PZP: variants seen among roughly 807,000 people sequenced by gnomAD.
PZP encodes the protein PZP alpha-2-macroglobulin like, also known as pregnancy zone protein.
PZP carries 150 observed loss-of-function variants against 179.8 expected under a neutral mutation model. That is an observed-to-expected ratio of 0.83 (90% CI 0.73 to 0.96). PZP has a LOEUF of 0.96. PZP is among the 40% of genes least tolerant of loss of function. PZP has a pLI of 0.00. For missense variants in PZP, 1,689 were observed against 1,764.0 expected (o/e 0.96, Z 0.76); for synonymous variants, 624 against 652.3 (o/e 0.96, Z 0.66).
In PZP at chr12:9,153,271, G is replaced by A. The variant is rs765915464; in HGVS notation, c.3847C>T (p.Gln1283Ter). The A allele has an allele frequency of 6.2e-7, 1 of 1,614,166 alleles. No homozygotes were observed. Among genetic ancestry groups the A allele is most frequent in the East Asian group, 2.2e-5 (1 of 44,886 alleles). Residue 1283 changes from glutamine (Q) to a stop codon, truncating the protein, a stop_gained, in exon 30 of 36, where the codon CAG becomes TAG. Transcript: ENST00000261336. LOFTEE classifies it high-confidence loss of function. ...GTCTGTGAATCCTGAACGGTGACCT[G>A]TGCAGTTTTCTCAGTTCTGGTGAAA... The part of the protein sequence containing the change: ...ATFTRTEKTA[Q>*]VTVQDSQTFS...
chr12:9,146,043 T>C (rs1939991762), downstream of PZP, among the ~76,000 whole-genome samples: 1 of 152,206 alleles, frequency 6.6e-6, no homozygotes, highest in Non-Finnish European at 1.5e-5. Context: ...TTAGTTATTT[T>C]TGAACCTGGA....
At chr12:9,197,741 C>A (rs1943900381) in intron 7 of PZP, among the ~76,000 whole-genome samples, 3 of 79,838 alleles carry the variant, frequency 3.8e-5, no homozygotes, top group African/African-American at 5.9e-5. Context: ...ATATATTATA[C>A]AATACATAAT....
In PZP at chr12:9,197,084, C is replaced by T. The variant is rs369276769; in HGVS notation, c.795G>A (p.Val265=). The part of the protein sequence containing the change: ...YGKPVPGLAT[V]SLCRKLSRVL... ...CACGAGATAATTTTCTACACAGGCT[C>T]ACAGTTGCAAGTCCTGGGACAGGCT... Residue 265 remains valine, a synonymous_variant, in exon 8 of 36, where the codon GTG becomes GTA. Transcript: ENST00000261336. 130 of 1,613,514 alleles carry T rather than the reference C, an allele frequency of 8.1e-5. No homozygotes were observed. Among genetic ancestry groups the T allele is most frequent in the Non-Finnish European group, 9.2e-5 (108 of 1,179,766 alleles).
intron 13 of PZP, among the ~76,000 whole-genome samples, chr12:9,185,207 G>C (rs1470745423): frequency 1.3e-5 from 2 of 152,176 alleles, no homozygotes; most frequent in Non-Finnish European, 2.9e-5. Context: ...GAAGCTGACA[G>C]ACAAAATAGC....
In PZP at chr12:9,197,052, T is replaced by A. The variant is rs780176502; in HGVS notation, c.827A>T (p.Asn276Ile). The A allele has an allele frequency of 6.2e-7, 1 of 1,613,698 alleles. No individual in the cohort carries two copies. Among genetic ancestry groups the A allele is most frequent in the South Asian group, 1.1e-5 (1 of 91,064 alleles). ...SLCRKLSRVL[N>I]CDKQEVCEEF... ...CTCACAGACCTCCTGCTTGTCACAATTAAGAACACGAGATAATTTTCTACA... is the reference window on the plus strand; with the variant it reads ...CTCACAGACCTCCTGCTTGTCACAAATAAGAACACGAGATAATTTTCTACA... Residue 276 changes from asparagine (N) to isoleucine (I), a missense_variant, in exon 8 of 36, where the codon AAT becomes ATT. Physicochemically the swap from Asn to Ile is moderately radical, Grantham distance 149. Transcript: ENST00000261336.
chr12:9,200,322 G>A (rs769256300), intron 7 of PZP, 42 bp downstream of exon 7: 1 of 1,438,470 alleles, frequency 7.0e-7, no homozygotes, highest in Non-Finnish European at 9.7e-7. Flanking sequence ...CCTCAAAATT[G>A]AGGCAAAATA....
At chr12:9,139,799 G>A in the PZP span, among the ~76,000 whole-genome samples, 1 of 152,152 alleles carries the variant, frequency 6.6e-6, no homozygotes, top group Non-Finnish European at 1.5e-5. Flanking sequence ...TGGCTCAACA[G>A]TGAAAGACAG....
At chr12:9,177,605 T>A (rs182445826) in intron 15 of PZP, among the ~76,000 whole-genome samples, 1 of 152,362 alleles carries the variant, frequency 6.6e-6, no homozygotes, top group East Asian at 1.9e-4. Flanking sequence ...TTTACCTTTG[T>A]TTTTGAGTAG....
intron 22 of PZP, 134 bp downstream of exon 22, chr12:9,162,463 G>T: frequency 1.5e-6 from 1 of 668,028 alleles, no homozygotes; most frequent in Middle Eastern, 2.5e-4. Context: ...CATACATAAA[G>T]AAATATTTAG....
chr12:9,154,673 G>A lies in PZP; in HGVS notation c.3717C>T (p.Asn1239=), dbSNP rs1312396116. 6.8e-6 allele frequency: 11 copies of A among 1,614,056 alleles called. No homozygotes were observed. The highest frequency in any genetic ancestry group is 8.5e-6 in the Non-Finnish European group (10 of 1,180,038). Residue 1239 remains asparagine (N), a synonymous_variant, in exon 29 of 36, where the codon AAC becomes AAT. Transcript: ENST00000261336. ...GCTGCTTCATGATCCACTTCACAAT[G>A]TTAGTTGCAGAGGTCAGGTCCCCTG... ...PTSGDLTSAT[N]IVKWIMKQQN...
Position 9,178,133 on chromosome 12 carries a change from G to A in PZP, c.1839+2850C>T, listed in dbSNP as rs764212823. The stretch of plus-strand genomic sequence containing the variant: ...TGATTATAGCAATCCCCCAATCTGC[G>A]GTTTTGGTTTCCAAGATTTCCATTA... On this transcript the variant is annotated intron_variant, in intron 15 of 35. Coordinates refer to ENST00000261336, the MANE Select transcript of PZP (RefSeq NM_002864.3). 4.6e-5 allele frequency among the ~76,000 whole-genome samples: 7 copies of A among 152,250 alleles called. No individual in the cohort carries two copies. The South Asian group carries it at 8.3e-4, about 18-fold the overall frequency.
chr12:9,142,091 A>G, the PZP span, among the ~76,000 whole-genome samples: 1 of 152,202 alleles, frequency 6.6e-6, no homozygotes, highest in African/African-American at 2.4e-5. Flanking sequence ...TTAAACAACT[A>G]GTTAATTTAC....
chr12:9,184,516 G>A (rs1212304531), intron 13 of PZP, among the ~76,000 whole-genome samples: 9 of 152,138 alleles, frequency 5.9e-5, no homozygotes, highest in African/African-American at 1.4e-4. Context: ...CTGCACAAAG[G>A]CCAGCAACCT....
the PZP span, among the ~76,000 whole-genome samples, chr12:9,139,567 T>A: frequency 6.6e-6 from 1 of 152,238 alleles, no homozygotes; most frequent in Non-Finnish European, 1.5e-5. Flanking sequence ...CCTATTTCTC[T>A]TTTCTGTTTT....
intron 13 of PZP, among the ~76,000 whole-genome samples, chr12:9,191,780 T>C (rs1006023940): frequency 6.6e-6 from 1 of 152,196 alleles, no homozygotes. Context: ...AAAGTACTCA[T>C]GGCCTGGCAC....
At chr12:9,202,759 T>C in intron 2 of PZP, 75 bp from the exon 3 acceptor site, 1 of 1,393,202 alleles carries the variant, frequency 7.2e-7, no homozygotes, top group East Asian at 2.3e-5. Flanking sequence ...TCATTGCTAT[T>C]TCCTATCTCT....
At chr12:9,157,037 A>G in intron 28 of PZP, 138 bp downstream of exon 28, 1 of 699,640 alleles carries the variant, frequency 1.4e-6, no homozygotes, top group South Asian at 2.8e-5. Context: ...TCACCTGGTT[A>G]TTAGGTCCCC....
At position 9,182,047 on chromosome 12, in the gene PZP, A is replaced by G. The variant is rs1221397835; in HGVS notation, c.1617T>C (p.Phe539=). The change falls in exon 14 of 36, where the codon TTT becomes TTC. Residue 539 remains phenylalanine, a synonymous_variant. Transcript: ENST00000261336. The part of the protein sequence containing the change: ...DVAPIARMFI[F]AILPDGEVVG... ...CAACTTCTCCATCTGGTAAAATGGCAAAGATGAACATTCGTGCAATGGGGG... is the reference window on the plus strand; with the variant it reads ...CAACTTCTCCATCTGGTAAAATGGCGAAGATGAACATTCGTGCAATGGGGG... The G allele has an allele frequency of 6.2e-7, 1 of 1,613,876 alleles. No homozygotes were observed. The highest frequency in any genetic ancestry group is 2.2e-5 in the East Asian group (1 of 44,868).
downstream of PZP, among the ~76,000 whole-genome samples, chr12:9,144,021 G>A (rs1939873360): frequency 1.3e-5 from 2 of 152,224 alleles, no homozygotes; most frequent in African/African-American, 4.8e-5. Context: ...GTCCTCTGAG[G>A]ATCAGGATGG....
Sources: allele counts gnomAD v4.1 joint callset (sites outside exome capture counted in the v4.1 genomes callset), GRCh38; gene constraint gnomAD v4.1.1; transcripts MANE v1.5; gene names NCBI Gene and HGNC (gene_info 2026-07-23, HGNC 2026-07-21).